ZSCAN5A: variants seen among roughly 807,000 people sequenced by gnomAD.
ZSCAN5A encodes the protein zinc finger and SCAN domain containing 5A, also known as zinc finger and SCAN domain-containing protein 5A.
Under a neutral mutation model 23.7 loss-of-function variants are expected in ZSCAN5A, and 12 were observed. The observed-to-expected ratio is 0.51, with a 90% CI of 0.32 to 0.82. ZSCAN5A has a LOEUF of 0.82. Ranked by LOEUF, ZSCAN5A falls within the 40% of genes least tolerant of loss-of-function variation. The pLI, the probability that ZSCAN5A is intolerant of heterozygous loss-of-function variation, is 0.03. For missense variants in ZSCAN5A, 597 were observed against 617.9 expected, an observed-to-expected ratio of 0.97 and a Z score of 0.36; for synonymous variants, 257 against 239.9, an observed-to-expected ratio of 1.07 and a Z score of -0.66.
chr19:56,289,038 C>G (rs2039334423), intron 2 of ZSCAN5A, among the ~76,000 whole-genome samples: 1 of 152,192 alleles, frequency 6.6e-6, no homozygotes, highest in African/African-American at 2.4e-5. Flanking sequence ...ATCATCAGTA[C>G]AGATTCTGCC....
At chr19:56,276,223 G>A (rs1340581045) in intron 2 of ZSCAN5A, among the ~76,000 whole-genome samples, 1 of 152,198 alleles carries the variant, frequency 6.6e-6, no homozygotes, top group East Asian at 1.9e-4. Context: ...TGGATCTGGT[G>A]CACAGACCTG....
rs543642912 is a variant in ZSCAN5A at position 56,242,810 on chromosome 19, C to T, written c.-127-17637G>A. 5.3e-5 allele frequency among the ~76,000 whole-genome samples: 8 copies of T among 152,244 alleles called. No individual in the cohort carries two copies. In the East Asian group the frequency reaches 1.2e-3, roughly 22 times the overall value. ...CTTTTTTTTTTGAGACGGAGTCTCGCTCTTGTTGCCCAGGCTGGAGTGCAA... is the reference window on the plus strand; with the variant it reads ...CTTTTTTTTTTGAGACGGAGTCTCGTTCTTGTTGCCCAGGCTGGAGTGCAA... On this transcript the variant is annotated intron_variant, in intron 2 of 5. Transcript: ENST00000683990.
At chr19:56,326,895 G>C (rs1042168185) in intron 2 of ZSCAN5A, among the ~76,000 whole-genome samples, 3 of 152,132 alleles carry the variant, frequency 2.0e-5, no homozygotes, top group African/African-American at 7.2e-5. Flanking sequence ...CATAGCAGCT[G>C]AAAGACACTC....
At chr19:56,222,788 G>T (rs1458813469) in intron 4 of ZSCAN5A, 47 bp from the exon 5 acceptor site, 2 of 1,613,332 alleles carry the variant, frequency 1.2e-6, no homozygotes, top group South Asian at 2.2e-5. Context: ...CCAAACTGGT[G>T]GAAGCAGGGA....
rs200236800 is a variant in ZSCAN5A, at chr19:56,222,034, G to T, written c.1032C>A (p.His344Gln). The change falls in exon 6 of 6, where the codon CAC becomes CAA. Residue 344 changes from histidine to glutamine, a missense_variant. Coordinates refer to ENST00000683990, the MANE Select transcript of ZSCAN5A (RefSeq NM_001322064.3). ...GTGCCTTGGCTTCTTGGCCATCCGG[G>T]TGACTGACTGGGCTCGCAGGGCCTG... ...HSPGPASPVS[H>Q]PDGQEAKALP... 4.3e-6 allele frequency: 7 copies of T among 1,614,100 alleles called. No individual in the cohort carries two copies. The South Asian group carries it at 7.7e-5, about 18-fold the overall frequency.
chr19:56,258,792 A>G (rs2036913564), intron 2 of ZSCAN5A, among the ~76,000 whole-genome samples: 1 of 152,138 alleles, frequency 6.6e-6, no homozygotes, highest in African/African-American at 2.4e-5. Context: ...CTTGTCTCCA[A>G]CAGAAAGTGG....
intron 2 of ZSCAN5A, among the ~76,000 whole-genome samples, chr19:56,358,643 T>C (rs1044998940): frequency 4.6e-5 from 7 of 152,204 alleles, no homozygotes; most frequent in Admixed American, 4.6e-4. Context: ...CAGTACCACA[T>C]GGCACTTACT....
intron 2 of ZSCAN5A, among the ~76,000 whole-genome samples, chr19:56,265,242 T>C (rs1167448447): frequency 6.6e-6 from 1 of 151,494 alleles, no homozygotes; most frequent in Non-Finnish European, 1.5e-5. Context: ...CATTCTCAGA[T>C]CCATCCTAGC....
chr19:56,329,014 T>A (rs866002121), intron 2 of ZSCAN5A, among the ~76,000 whole-genome samples: 405 of 140,668 alleles, frequency 2.9e-3, no homozygotes, highest in Middle Eastern at 8.5e-3. Flanking sequence ...AAAAAATAAA[T>A]AAATAAATAA....
intron 2 of ZSCAN5A, among the ~76,000 whole-genome samples, chr19:56,260,915 A>G: frequency 6.6e-6 from 1 of 152,180 alleles, no homozygotes; most frequent in Non-Finnish European, 1.5e-5. Context: ...TTTTATAGAA[A>G]TGGAAAATGT....
chr19:56,269,223 T>C (rs536742605), intron 2 of ZSCAN5A, among the ~76,000 whole-genome samples: 11 of 152,362 alleles, frequency 7.2e-5, no homozygotes, highest in African/African-American at 2.6e-4. Context: ...ACAGGGGCTA[T>C]ACCAATTTAC....
At chr19:56,285,097 A>G (rs2086877165) in intron 2 of ZSCAN5A, 1 of 797,138 alleles carries the variant, frequency 1.3e-6, no homozygotes, top group Non-Finnish European at 1.5e-6. Flanking sequence ...TTATTGAGTC[A>G]TTTATGCTTT....
intron 2 of ZSCAN5A, chr19:56,304,721 G>A: frequency 2.2e-6 from 2 of 902,244 alleles, no homozygotes; most frequent in Non-Finnish European, 2.7e-6. Context: ...AGAAAGGGAG[G>A]TAAGGAAGGA....
At chr19:56,244,086 G>T (rs2035651743) in intron 2 of ZSCAN5A, 1 of 1,342,208 alleles carries the variant, frequency 7.5e-7, no homozygotes, top group Non-Finnish European at 1.1e-6. Flanking sequence ...GGAGGACCCT[G>T]CAACAGCCCT....
intron 2 of ZSCAN5A, chr19:56,281,842 C>T: frequency 3.1e-6 from 1 of 320,644 alleles, no homozygotes; most frequent in African/African-American, 2.2e-5. Flanking sequence ...CAAACATGAC[C>T]TCTTCACCCA....
At chr19:56,341,484 T>C (rs1382230624) in intron 2 of ZSCAN5A, among the ~76,000 whole-genome samples, 1 of 152,034 alleles carries the variant, frequency 6.6e-6, no homozygotes, top group Non-Finnish European at 1.5e-5. Flanking sequence ...TTGAAATATA[T>C]ACAATATATT....
intron 2 of ZSCAN5A, among the ~76,000 whole-genome samples, chr19:56,242,632 G>A (rs952711093): frequency 6.6e-6 from 1 of 152,150 alleles, no homozygotes; most frequent in African/African-American, 2.4e-5. Flanking sequence ...CCTTTCGGTT[G>A]CTTCCCCCAC....
chr19:56,291,444 T>G (rs574596190), intron 2 of ZSCAN5A, among the ~76,000 whole-genome samples: 5 of 152,346 alleles, frequency 3.3e-5, no homozygotes, highest in Admixed American at 2.6e-4. Flanking sequence ...ATCGCATTAA[T>G]CTGGAAGACA....
chr19:56,277,202 GA>G (rs1394130639), intron 2 of ZSCAN5A, among the ~76,000 whole-genome samples: 2 of 152,184 alleles, frequency 1.3e-5, no homozygotes, highest in Non-Finnish European at 2.9e-5. Context: ...CAAGATAAAT[GA>G]AACGTAAGTC....
Sources: allele counts gnomAD v4.1 joint callset (sites outside exome capture counted in the v4.1 genomes callset), GRCh38; gene constraint gnomAD v4.1.1; transcripts MANE v1.5; gene names NCBI Gene and HGNC (gene_info 2026-07-23, HGNC 2026-07-21).